HPSE2: variants seen among roughly 807,000 people sequenced by gnomAD.
The protein encoded by HPSE2 is heparanase 2 (inactive).
Under a neutral mutation model 60.5 loss-of-function variants are expected in HPSE2, and 38 were observed. The ratio of observed to expected loss-of-function variants is 0.63; its 90% CI spans 0.48 to 0.82. The LOEUF (loss-of-function observed/expected upper bound fraction) is 0.82. HPSE2 is among the 40% of genes least tolerant of loss of function. The pLI is 0.00. For missense variants in HPSE2, 713 were observed against 740.4 expected (o/e 0.96, Z 0.43); for synonymous variants, 295 against 293.2 (o/e 1.01, Z -0.06).
At chr10:98,533,293 T>C (rs1258040695) in intron 9 of HPSE2, among the ~76,000 whole-genome samples, 1 of 152,166 alleles carries the variant, frequency 6.6e-6, no homozygotes, top group Non-Finnish European at 1.5e-5. Context: ...AAAGTAGAAT[T>C]TTATAGAAGG....
intron 5 of HPSE2, among the ~76,000 whole-genome samples, chr10:98,696,307 A>C (rs7078995): frequency 0.33 from 44,633 of 137,242 alleles, 7,285 homozygotes; most frequent in African/African-American, 0.35. Context: ...AAAAAAAAAA[A>C]AAAAAAAAAA....
At chr10:99,128,565 G>A (rs1308822505) in intron 3 of HPSE2, among the ~76,000 whole-genome samples, 2 of 152,096 alleles carry the variant, frequency 1.3e-5, no homozygotes, top group African/African-American at 4.8e-5. Context: ...ATTATCCTCA[G>A]CAAACTAACA....
At chr10:98,780,415 T>C (rs955974811) in intron 3 of HPSE2, among the ~76,000 whole-genome samples, 2 of 152,204 alleles carry the variant, frequency 1.3e-5, no homozygotes, top group Non-Finnish European at 2.9e-5. Flanking sequence ...CTCTTTGTTA[T>C]AACTTTTAAG....
chr10:98,613,573 A>T (rs551977295), intron 9 of HPSE2, among the ~76,000 whole-genome samples: 1 of 152,166 alleles, frequency 6.6e-6, no homozygotes, highest in East Asian at 1.9e-4. Context: ...GGGCTTGGGG[A>T]ATGGAGGGAG....
the HPSE2 span, among the ~76,000 whole-genome samples, chr10:99,292,055 G>A: frequency 0.11 from 16,107 of 152,076 alleles, 1,070 homozygotes; most frequent in Non-Finnish European, 0.15. Flanking sequence ...AAACCAGAGG[G>A]GGCCAAATAA....
chr10:99,059,371 T>C (rs1958183234), intron 3 of HPSE2, among the ~76,000 whole-genome samples: 1 of 152,220 alleles, frequency 6.6e-6, no homozygotes, highest in Non-Finnish European at 1.5e-5. Flanking sequence ...GAAGTCTAAA[T>C]AAATATATAT....
At chr10:98,522,987 C>G (rs1475428469) in intron 9 of HPSE2, among the ~76,000 whole-genome samples, 1 of 152,238 alleles carries the variant, frequency 6.6e-6, no homozygotes, top group Non-Finnish European at 1.5e-5. Context: ...GCCATCCATA[C>G]AGCAGGATTT....
At chr10:99,134,522 C>T (rs1589710878) in intron 3 of HPSE2, among the ~76,000 whole-genome samples, 1 of 152,204 alleles carries the variant, frequency 6.6e-6, no homozygotes, top group East Asian at 1.9e-4. Flanking sequence ...CAGTGGATCT[C>T]TCTGCAGAAA....
At chr10:99,169,267 A>G (rs183868617) in intron 2 of HPSE2, among the ~76,000 whole-genome samples, 5 of 150,992 alleles carry the variant, frequency 3.3e-5, no homozygotes, top group Admixed American at 6.6e-5. Context: ...GCACTTTAGG[A>G]GACCGAGGCA....
At chr10:99,131,947 A>T (rs1253367034) in intron 3 of HPSE2, among the ~76,000 whole-genome samples, 2 of 151,630 alleles carry the variant, frequency 1.3e-5, no homozygotes, top group Non-Finnish European at 2.9e-5. Flanking sequence ...CCCCATCTCT[A>T]CTAAAAATTT....
chr10:98,676,753 C>T (rs576688267), intron 6 of HPSE2, among the ~76,000 whole-genome samples: 7 of 152,192 alleles, frequency 4.6e-5, no homozygotes, highest in African/African-American at 1.7e-4. Flanking sequence ...AGCTTAGGTC[C>T]AAGGGAGTTA....
chr10:99,118,385 T>C (rs1030958062), intron 3 of HPSE2, among the ~76,000 whole-genome samples: 6 of 151,588 alleles, frequency 4.0e-5, no homozygotes, highest in African/African-American at 1.5e-4. Context: ...TAGCCAGGTG[T>C]GTTGGCAGGC....
At chr10:99,004,629 T>C (rs1956851586) in intron 3 of HPSE2, among the ~76,000 whole-genome samples, 1 of 152,220 alleles carries the variant, frequency 6.6e-6, no homozygotes, top group Non-Finnish European at 1.5e-5. Context: ...ATTAATCTTT[T>C]TAATAGTTTT....
intron 3 of HPSE2, among the ~76,000 whole-genome samples, chr10:99,015,101 A>T (rs1185522660): frequency 6.6e-6 from 1 of 152,180 alleles, no homozygotes; most frequent in Non-Finnish European, 1.5e-5. Flanking sequence ...AGAAATGCAA[A>T]TCAAAACCAC....
chr10:98,906,764 C>T (rs556813551), intron 3 of HPSE2, among the ~76,000 whole-genome samples: 18 of 152,098 alleles, frequency 1.2e-4, no homozygotes, highest in African/African-American at 3.1e-4. Flanking sequence ...CTTAGCCGGG[C>T]GTGGTGGCAC....
chr10:98,578,881 C>A (rs948199613), intron 9 of HPSE2, among the ~76,000 whole-genome samples: 1 of 152,120 alleles, frequency 6.6e-6, no homozygotes, highest in Non-Finnish European at 1.5e-5. Flanking sequence ...CTCAGTTACC[C>A]CTTAAAATTA....
chr10:98,511,137 T>TTG (rs1554924048), intron 9 of HPSE2, among the ~76,000 whole-genome samples: 16 of 151,358 alleles, frequency 1.1e-4, no homozygotes, highest in African/African-American at 3.6e-4. Flanking sequence ...GCTGTTTTTT[T>TTG]TTTGTTTGTT....
At chr10:99,308,675 G>A in the HPSE2 span, among the ~76,000 whole-genome samples, 1 of 152,030 alleles carries the variant, frequency 6.6e-6, no homozygotes, top group Non-Finnish European at 1.5e-5. Context: ...CAACTTTGGA[G>A]ACAAAATATA....
Position 98,875,721 on chromosome 10 carries a change from A to G in HPSE2, c.611-131665T>C, listed in dbSNP as rs76824202. Among the ~76,000 whole-genome samples, 47 of 152,160 alleles carry G rather than the reference A, an allele frequency of 3.1e-4. No homozygotes were observed. The East Asian group carries it at 3.7e-3, about 12-fold the overall frequency. ...GATGCCAAAACCTGGCAGAGACACA[A>G]CAAAAAATGAAAACTTCAGGAAGTT... is the stretch of plus-strand genomic sequence containing the variant. On this transcript the variant is annotated intron_variant, in intron 3 of 11. Transcript: ENST00000370552.
Sources: gnomAD v4.1 joint callset for allele counts (sites outside exome capture counted in the v4.1 genomes callset) on GRCh38, gnomAD v4.1.1 for gene constraint, MANE v1.5 for transcripts, NCBI Gene and HGNC (gene_info 2026-07-23, HGNC 2026-07-21) for gene names.